Variants in GRIA3 observed in about 807,000 individuals in gnomAD.
GRIA3 encodes the protein glutamate ionotropic receptor AMPA type subunit 3.
A neutral mutation model predicts 63.0 loss-of-function variants in GRIA3; 3 were observed. The observed-to-expected ratio is 0.05, with a 90% confidence interval of 0.02 to 0.12. The LOEUF is 0.12. GRIA3 is among the 10% of genes least tolerant of loss of function. GRIA3 has a pLI of 1.00. For missense variants in GRIA3, 347 were observed against 700.9 expected (o/e 0.50, Z 5.70); for synonymous variants, 274 against 257.9 (o/e 1.06, Z -0.60).
chrX:123,298,516 G>A (rs2044700235), intron 3 of GRIA3, among the ~76,000 whole-genome samples: 1 of 111,252 alleles, frequency 9.0e-6, no homozygotes, highest in African/African-American at 3.3e-5. Flanking sequence ...ATTATTGACT[G>A]CATGTATGTC....
chrX:123,483,825 G>A (rs959670957), intron 15 of GRIA3, among the ~76,000 whole-genome samples: 3 of 110,856 alleles, frequency 2.7e-5, no homozygotes, highest in East Asian at 5.7e-4. Flanking sequence ...CCAGCTACTC[G>A]GGAGGCTGAG....
chrX:123,436,311 T>TTTTG (rs951165206), intron 12 of GRIA3, among the ~76,000 whole-genome samples: 13 of 111,701 alleles, frequency 1.2e-4, no homozygotes, highest in Admixed American at 1.9e-4. Flanking sequence ...TGTTTTTTGT[T>TTTTG]TTTGTTTGTT....
chrX:123,461,901 C>A (rs139912242), intron 12 of GRIA3, among the ~76,000 whole-genome samples: 1,323 of 111,092 alleles, frequency 0.012, 17 homozygotes, highest in African/African-American at 0.04. Context: ...AAAGTAAAAC[C>A]AAACCCTTTA....
intron 2 of GRIA3, among the ~76,000 whole-genome samples, chrX:123,223,282 C>CAGAT (rs956230228): frequency 8.9e-6 from 1 of 112,829 alleles, no homozygotes; most frequent in African/African-American, 3.2e-5. Context: ...AATAAGCCAA[C>CAGAT]AGATACGCAG....
intron 15 of GRIA3, 53 bp downstream of exon 15, chrX:123,483,099 T>A: frequency 2.0e-6 from 2 of 982,145 alleles, no homozygotes; most frequent in Non-Finnish European, 2.8e-6. Flanking sequence ...TATGTCAATC[T>A]CTTTTTTTCT....
At chrX:123,219,709 T>C (rs1199808472) in intron 2 of GRIA3, among the ~76,000 whole-genome samples, 23 of 112,097 alleles carry the variant, frequency 2.1e-4, no homozygotes, top group Non-Finnish European at 4.3e-4. Context: ...CAGTAATGCC[T>C]GACACAGCAA....
At position 123,398,761 on chromosome X, in the gene GRIA3, G is replaced by A. The variant is rs1454796119; in HGVS notation, c.1038G>A (p.Val346=). ...SAGDCLANPA[V]PWSQGIDIER... Reference sequence around the variant, plus strand: ...GAGACTGCTTAGCAAATCCTGCTGTGCCCTGGAGTCAAGGAATTGATATTG... The same window carrying A: ...GAGACTGCTTAGCAAATCCTGCTGTACCCTGGAGTCAAGGAATTGATATTG... Residue 346 remains valine (V), a synonymous_variant, in exon 7 of 16, where the codon GTG becomes GTA. Coordinates refer to ENST00000620443, the MANE Select transcript of GRIA3 (RefSeq NM_007325.5). The A allele has an allele frequency of 8.3e-7, 1 of 1,210,151 alleles. No homozygotes were observed. Among genetic ancestry groups the A allele is most frequent in the South Asian group, 1.8e-5 (1 of 56,896 alleles).
intron 3 of GRIA3, among the ~76,000 whole-genome samples, chrX:123,257,426 T>A (rs1603051699): frequency 1.2e-5 from 1 of 86,684 alleles, no homozygotes; most frequent in African/African-American, 4.5e-5. Context: ...GGAGGGAGAA[T>A]GGGAAGGGAA....
intron 5 of GRIA3, among the ~76,000 whole-genome samples, chrX:123,383,435 CCT>C (rs994268213): frequency 7.2e-5 from 8 of 111,461 alleles, no homozygotes; most frequent in African/African-American, 2.3e-4. Context: ...CATCCTGCCC[CCT>C]CTCTCACCCT....
At chrX:123,390,427 T>C (rs182554364) in intron 5 of GRIA3, among the ~76,000 whole-genome samples, 72 of 111,779 alleles carry the variant, frequency 6.4e-4, no homozygotes, top group Non-Finnish European at 7.0e-4. Context: ...TTTTGTTTTG[T>C]TTTGTTTTGT....
intron 3 of GRIA3, among the ~76,000 whole-genome samples, chrX:123,315,278 G>T (rs2044823738): frequency 8.9e-6 from 1 of 112,076 alleles, no homozygotes; most frequent in Non-Finnish European, 1.9e-5. Flanking sequence ...TTGAATGTCG[G>T]TGAATATTTG....
Position 123,437,697 on chromosome X carries a change from G to A in GRIA3, c.2076+9558G>A, listed in dbSNP as rs1430382952. Among the ~76,000 whole-genome samples the A allele has an allele frequency of 2.7e-5, 3 of 111,320 alleles. No individual in the cohort carries two copies. In the Admixed American group the frequency reaches 2.9e-4, roughly 11 times the overall value. On this transcript the variant is annotated intron_variant, in intron 12 of 15. Coordinates refer to ENST00000620443, the MANE Select transcript of GRIA3 (RefSeq NM_007325.5). Reference sequence around the variant, plus strand: ...AGTCACAGAATTTGCTGATGGATTGGATAACATTTATGAGCAAAAGGAAAG... The same window carrying A: ...AGTCACAGAATTTGCTGATGGATTGAATAACATTTATGAGCAAAAGGAAAG...
chrX:123,248,665 A>G (rs2044372589), intron 2 of GRIA3, among the ~76,000 whole-genome samples: 1 of 111,505 alleles, frequency 9.0e-6, no homozygotes, highest in African/African-American at 3.3e-5. Context: ...GCATGCCTGT[A>G]TTCCCAGCTA....
At chrX:123,323,563 T>C (rs1301756144) in intron 3 of GRIA3, among the ~76,000 whole-genome samples, 1 of 112,359 alleles carries the variant, frequency 8.9e-6, no homozygotes, top group African/African-American at 3.2e-5. Flanking sequence ...GGAAGTTTCA[T>C]GGACAAAGAA....
intron 12 of GRIA3, among the ~76,000 whole-genome samples, chrX:123,448,729 C>T (rs2045715403): frequency 8.9e-6 from 1 of 112,315 alleles, no homozygotes; most frequent in South Asian, 3.7e-4. Context: ...AGATATAGAA[C>T]ATTTCAGAAA....
At chrX:123,477,341 T>A (rs945532499) in intron 13 of GRIA3, among the ~76,000 whole-genome samples, 1 of 112,524 alleles carries the variant, frequency 8.9e-6, no homozygotes, top group African/African-American at 3.2e-5. Context: ...ACCCAATATA[T>A]GCTAACATAA....
chrX:123,188,163 T>G (rs1927330128), intron 2 of GRIA3, among the ~76,000 whole-genome samples: 1 of 111,826 alleles, frequency 8.9e-6, no homozygotes, highest in African/African-American at 3.3e-5. Context: ...ACCAGTGTTG[T>G]GTATCCAGCT....
At chrX:123,463,447 G>A (rs777891087) in intron 12 of GRIA3, among the ~76,000 whole-genome samples, 78 of 104,776 alleles carry the variant, frequency 7.4e-4, no homozygotes, top group African/African-American at 2.7e-3. Flanking sequence ...GTATTCAGGA[G>A]GCTGATGCAG....
intron 2 of GRIA3, among the ~76,000 whole-genome samples, chrX:123,234,002 C>A (rs2044289550): frequency 9.0e-6 from 1 of 111,445 alleles, no homozygotes; most frequent in Non-Finnish European, 1.9e-5. Flanking sequence ...GTTTTATGGC[C>A]TCAAAACATT....
Sources: gnomAD v4.1 joint callset for allele counts (sites outside exome capture counted in the v4.1 genomes callset) on GRCh38, gnomAD v4.1.1 for gene constraint, MANE v1.5 for transcripts, NCBI Gene and HGNC (gene_info 2026-07-23, HGNC 2026-07-21) for gene names.